USP49: variants seen among roughly 807,000 people sequenced by gnomAD.
The protein encoded by USP49 is ubiquitin specific peptidase 49.
A neutral mutation model predicts 58.6 loss-of-function variants in USP49; 24 were observed. The observed-to-expected ratio is 0.41, with a 90% confidence interval of 0.30 to 0.58. The LOEUF is 0.58. Ranked by LOEUF, USP49 falls within the 20% of genes least tolerant of loss-of-function variation. USP49 has a pLI of 0.30. For missense variants in USP49, 703 were observed against 866.1 expected (o/e 0.81, Z 2.36); for synonymous variants, 408 against 365.1 (o/e 1.12, Z -1.34).
chr6:41,893,907 C>T (rs1774850426), intron 1 of USP49: 1 of 152,066 alleles, frequency 6.6e-6, no homozygotes, highest in African/African-American at 2.4e-5. Flanking sequence ...GTCTTTACCC[C>T]TGTCTCTAGG....
At chr6:41,890,334 A>G (rs1403909302) in intron 2 of USP49, among the ~76,000 whole-genome samples, 1 of 150,654 alleles carries the variant, frequency 6.6e-6, no homozygotes, top group Non-Finnish European at 1.5e-5. Context: ...AGCCAAGATC[A>G]TGCCACTGCA....
chr6:41,840,150 G>A (rs1162847531), intron 3 of USP49, among the ~76,000 whole-genome samples: 3 of 151,820 alleles, frequency 2.0e-5, no homozygotes, highest in African/African-American at 4.8e-5. Context: ...CGAGGTGGGC[G>A]GATCGTGAGG....
At chr6:41,858,297 C>G (rs1774164710) in intron 3 of USP49, among the ~76,000 whole-genome samples, 1 of 152,164 alleles carries the variant, frequency 6.6e-6, no homozygotes, top group African/African-American at 2.4e-5. Context: ...TAATAGGTAT[C>G]TATGCTTGCC....
chr6:41,825,064 G>C (rs1285452759), intron 3 of USP49, among the ~76,000 whole-genome samples: 1 of 152,222 alleles, frequency 6.6e-6, no homozygotes, highest in East Asian at 1.9e-4. Context: ...AAGAGCGCCA[G>C]TGCATATCCA....
chr6:41,812,084 C>CTT (rs112615079), intron 3 of USP49, among the ~76,000 whole-genome samples: 1 of 145,126 alleles, frequency 6.9e-6, no homozygotes. Context: ...CTCAATGATT[C>CTT]TTTTTTTTTT....
intron 3 of USP49, among the ~76,000 whole-genome samples, chr6:41,823,907 A>G (rs1393672664): frequency 6.6e-6 from 1 of 152,080 alleles, no homozygotes; most frequent in Non-Finnish European, 1.5e-5. Flanking sequence ...GAATCGGCTG[A>G]ATGGTGAAGC....
chr6:41,817,150 C>CTT (rs34281670), intron 3 of USP49, among the ~76,000 whole-genome samples: 2,182 of 104,276 alleles, frequency 0.021, 130 homozygotes, highest in South Asian at 0.064. Context: ...CCCACGCATG[C>CTT]TTTTTTTTTT....
intron 3 of USP49, among the ~76,000 whole-genome samples, chr6:41,852,773 T>A (rs950201513): frequency 6.6e-6 from 1 of 152,170 alleles, no homozygotes; most frequent in Non-Finnish European, 1.5e-5. Flanking sequence ...TTAACACCAA[T>A]GTTCATAGCA....
chr6:41,800,051 C>A (rs983052093), intron 5 of USP49, 113 bp from the exon 6 acceptor site: 2 of 953,630 alleles, frequency 2.1e-6, no homozygotes, highest in Admixed American at 4.1e-5. Context: ...AGTATCTGAA[C>A]CTCAATTTTT....
rs182059238 is a variant in USP49 at position 41,843,399 on chromosome 6, G to T, written c.-29+28165C>A. On this transcript the variant is annotated intron_variant, in intron 3 of 7. Transcript: ENST00000682992. ...AAGTGCATCATCACGTTGGCTTTGT[G>T]TATAAGCATTGCGTATGTCGGAAAA... 4.2e-3 allele frequency among the ~76,000 whole-genome samples: 639 copies of T among 152,230 alleles called. 3 individuals carry two copies. The highest frequency in any genetic ancestry group is 6.7e-3 in the Non-Finnish European group (457 of 68,026).
chr6:41,852,523 G>A (rs763331622), intron 3 of USP49, among the ~76,000 whole-genome samples: 2 of 152,176 alleles, frequency 1.3e-5, no homozygotes, highest in Non-Finnish European at 2.9e-5. Context: ...ATAAAACTGA[G>A]CAAGTGAAAG....
intron 3 of USP49, among the ~76,000 whole-genome samples, chr6:41,826,135 T>C (rs1773533998): frequency 6.6e-6 from 1 of 152,074 alleles, no homozygotes; most frequent in South Asian, 2.1e-4. Flanking sequence ...CATGGTGGCA[T>C]GCACCTGTAG....
chr6:41,854,517 C>T (rs950550957), intron 3 of USP49, among the ~76,000 whole-genome samples: 1 of 152,112 alleles, frequency 6.6e-6, no homozygotes, highest in South Asian at 2.1e-4. Flanking sequence ...AATAATTTCA[C>T]TCACCAGGGT....
At chr6:41,801,183 T>G (rs1325055963) in intron 5 of USP49, among the ~76,000 whole-genome samples, 2 of 152,246 alleles carry the variant, frequency 1.3e-5, no homozygotes, top group Non-Finnish European at 2.9e-5. Flanking sequence ...CCTGTAACCA[T>G]TTACTGATGA....
At chr6:41,873,382 A>C (rs1402528765) in intron 2 of USP49, among the ~76,000 whole-genome samples, 1 of 152,232 alleles carries the variant, frequency 6.6e-6, no homozygotes, top group East Asian at 1.9e-4. Context: ...ACTATGGTGC[A>C]AATCAGTGGC....
At chr6:41,851,216 T>C (rs2127350356) in intron 3 of USP49, among the ~76,000 whole-genome samples, 1 of 152,300 alleles carries the variant, frequency 6.6e-6, no homozygotes, top group African/African-American at 2.4e-5. Context: ...ATATTCTTTG[T>C]GAGTATTGAG....
At position 41,794,094 on chromosome 6, in the gene USP49, G is replaced by A. The variant is rs1160500434; in HGVS notation, c.*2439C>T. On this transcript the variant is annotated 3_prime_UTR_variant, in exon 8 of 8. Transcript: ENST00000682992. Reference sequence around the variant, plus strand: ...AATAGCCATTGGCTTATGCAGCAGGGAACTCTTCTTTAATAAAAATCTCCT... The same window carrying A: ...AATAGCCATTGGCTTATGCAGCAGGAAACTCTTCTTTAATAAAAATCTCCT... 1 of 152,190 alleles carries A rather than the reference G, an allele frequency of 6.6e-6. No homozygotes were observed. The highest frequency in any genetic ancestry group is 2.4e-5 in the African/African-American group (1 of 41,428). The allele number at this position is 152,190 out of a possible 1,614,324, so 9.4% of individuals were successfully genotyped here.
At chr6:41,805,333 A>AT (rs1773090205) in intron 4 of USP49, among the ~76,000 whole-genome samples, 1 of 152,210 alleles carries the variant, frequency 6.6e-6, no homozygotes, top group Non-Finnish European at 1.5e-5. Context: ...GTACTTAATT[A>AT]TAACAATGAG....
intron 7 of USP49, chr6:41,797,913 G>T (rs1396771392): frequency 2.6e-6 from 2 of 774,730 alleles, no homozygotes; most frequent in African/African-American, 1.9e-5. Flanking sequence ...TGTTGCCCAG[G>T]CTAGAATGCA....
Sources: allele counts gnomAD v4.1 joint callset (sites outside exome capture counted in the v4.1 genomes callset), GRCh38; gene constraint gnomAD v4.1.1; transcripts MANE v1.5; gene names NCBI Gene and HGNC (gene_info 2026-07-23, HGNC 2026-07-21).